The following IFT74 variants were observed in gnomAD, a reference collection of about 807,000 sequenced individuals.
The protein encoded by IFT74 is intraflagellar transport 74, also known as intraflagellar transport protein 74 homolog.
IFT74 carries 92 observed loss-of-function variants against 96.7 expected under a neutral mutation model. That is an observed-to-expected ratio of 0.95 (90% CI 0.80 to 1.13). IFT74 has a LOEUF of 1.13. Among genes scored for constraint, IFT74 ranks in the 50% most tolerant of loss-of-function variants. The pLI, the probability that IFT74 is intolerant of heterozygous loss-of-function variation, is 0.00. For missense variants in IFT74, 811 were observed against 698.2 expected (o/e 1.16, Z -1.82); for synonymous variants, 223 against 213.2 (o/e 1.05, Z -0.40).
chr9:26,982,110 C>T (rs910102424), intron 4 of IFT74, among the ~76,000 whole-genome samples: 22 of 151,996 alleles, frequency 1.4e-4, no homozygotes, highest in African/African-American at 2.2e-4. Flanking sequence ...TAATCTGAAA[C>T]GTGTTACTCA....
intron 13 of IFT74, among the ~76,000 whole-genome samples, chr9:27,031,365 G>T (rs1287250799): frequency 2.6e-5 from 4 of 151,992 alleles, no homozygotes; most frequent in Non-Finnish European, 5.9e-5. Flanking sequence ...TACTCAGGAG[G>T]CTGAGGCAGG....
rs1293591722 is a variant in IFT74, at chr9:26,962,175, A to T, written c.120+88A>T. ...GAGACTGGGGCTTCAGTGAACTCTGATCATGCCACTGCACCCCAGTTTTTG... is the reference window on the plus strand; with the variant it reads ...GAGACTGGGGCTTCAGTGAACTCTGTTCATGCCACTGCACCCCAGTTTTTG... On this transcript the variant is annotated intron_variant, in intron 2 of 19. Coordinates refer to ENST00000380062, the MANE Select transcript of IFT74 (RefSeq NM_025103.4). 2.4e-5 allele frequency: 31 copies of T among 1,300,714 alleles called. No individual in the cohort carries two copies. In the East Asian group the frequency reaches 6.5e-4, roughly 27 times the overall value. 80.6% of individuals were successfully genotyped at this position (1,300,714 alleles called of 1,614,324 possible). A position where few individuals can be genotyped will look rare whatever the true frequency, so the allele number is the denominator to read the frequency against.
intron 12 of IFT74, among the ~76,000 whole-genome samples, chr9:27,022,892 C>T (rs1480029303): frequency 6.6e-6 from 1 of 152,132 alleles, no homozygotes; most frequent in Non-Finnish European, 1.5e-5. Flanking sequence ...CCTACCTCGG[C>T]CTCCCAAAGT....
chr9:27,016,204 A>C (rs1357022970), intron 10 of IFT74, among the ~76,000 whole-genome samples: 3 of 152,122 alleles, frequency 2.0e-5, no homozygotes, highest in African/African-American at 7.2e-5. Context: ...GCTTCTTCCT[A>C]GCTTCTAGTG....
At position 26,978,148 on chromosome 9, in the gene IFT74, A is replaced by G; in HGVS notation, c.141A>G (p.Arg47=). 1 of 1,605,180 alleles carries G rather than the reference A, an allele frequency of 6.2e-7. No homozygotes were observed. The highest frequency in any genetic ancestry group is 8.5e-7 in the Non-Finnish European group (1 of 1,178,406). The change falls in exon 3 of 20, where the codon AGA becomes AGG. Residue 47 remains arginine, a synonymous_variant. Transcript: ENST00000380062. ...TTTAGATGCCACCTGGGACAGCAAG[A>G]CCAGGTTCTCGTGGTTGTCCCATAG... The part of the protein sequence containing the change: ...VATAMPPGTA[R]PGSRGCPIGT...
intron 13 of IFT74, among the ~76,000 whole-genome samples, chr9:27,031,253 C>T (rs1033203493): frequency 6.6e-6 from 1 of 151,978 alleles, no homozygotes; most frequent in African/African-American, 2.4e-5. Flanking sequence ...CCGAGGTGGG[C>T]GGATCACCAG....
intron 11 of IFT74, 38 bp from the exon 12 acceptor site, chr9:27,018,609 A>AT (rs1829462423): frequency 4.9e-6 from 6 of 1,225,344 alleles, no homozygotes; most frequent in Non-Finnish European, 5.8e-6. Flanking sequence ...ACAATGAGTT[A>AT]TTTTTTTAAA....
chr9:26,992,687 T>C (rs10967647), intron 8 of IFT74, among the ~76,000 whole-genome samples: 4,245 of 151,640 alleles, frequency 0.028, 204 homozygotes, highest in African/African-American at 0.097. Context: ...GGCGAGACTT[T>C]GTCTCAAAAA....
At chr9:27,012,722 T>TG (rs1361009665) in intron 10 of IFT74, among the ~76,000 whole-genome samples, 7 of 139,284 alleles carry the variant, frequency 5.0e-5, no homozygotes, top group African/African-American at 1.9e-4. Flanking sequence ...TTTTTTTTTT[T>TG]TTTTTTTTTT....
chr9:27,024,334 C>T (rs1481986328), intron 12 of IFT74, among the ~76,000 whole-genome samples: 9 of 152,198 alleles, frequency 5.9e-5, no homozygotes, highest in African/African-American at 1.4e-4. Context: ...CAGATCACTT[C>T]GCAGGACTCT....
chr9:26,951,868 A>C (rs952092619), upstream of IFT74, among the ~76,000 whole-genome samples: 7 of 152,230 alleles, frequency 4.6e-5, no homozygotes, highest in African/African-American at 7.2e-5. Flanking sequence ...ACTCCACTCC[A>C]GCCTGGGTGA....
intron 12 of IFT74, among the ~76,000 whole-genome samples, chr9:27,022,776 G>A (rs539850336): frequency 3.8e-4 from 58 of 151,930 alleles, no homozygotes; most frequent in Non-Finnish European, 7.9e-4. Context: ...CCGAGTAGCT[G>A]GGACTAAAGG....
chr9:26,999,619 T>A (rs757094631), intron 8 of IFT74: 1 of 1,594,648 alleles, frequency 6.3e-7, no homozygotes, highest in Non-Finnish European at 8.6e-7. Flanking sequence ...CTTACTCTTT[T>A]AGAAGACTGG....
At chr9:27,036,468 G>A (rs751074038) in intron 13 of IFT74, 3 of 1,613,578 alleles carry the variant, frequency 1.9e-6, no homozygotes, top group Non-Finnish European at 2.5e-6. Context: ...AACTATGGAT[G>A]GAAAATACTT....
intron 13 of IFT74, among the ~76,000 whole-genome samples, chr9:27,039,148 A>T (rs960652448): frequency 1.3e-5 from 2 of 151,942 alleles, no homozygotes; most frequent in Non-Finnish European, 1.5e-5. Context: ...TCATCGTCAA[A>T]TGAGGGTTAT....
At chr9:26,999,637 C>T (rs1828366817) in intron 8 of IFT74, 1 of 1,606,724 alleles carries the variant, frequency 6.2e-7, no homozygotes, top group Non-Finnish European at 8.5e-7. Context: ...TGGATTTTGT[C>T]TGATAATAAT....
rs1479437229 is a variant in IFT74, at chr9:27,065,324, T to A, written c.*2588T>A. On this transcript the variant is annotated 3_prime_UTR_variant, in exon 20 of 20. Coordinates refer to ENST00000380062, the MANE Select transcript of IFT74 (RefSeq NM_025103.4). ...AACAAGAATATTCTCTTTACTGGGA[T>A]AGAACTGGAGGCTAATAGCTGCATG... Among the ~76,000 whole-genome samples the A allele has an allele frequency of 6.6e-6, 1 of 152,148 alleles. No homozygotes were observed. Among genetic ancestry groups the A allele is most frequent in the Non-Finnish European group, 1.5e-5 (1 of 68,006 alleles).
intron 2 of IFT74, among the ~76,000 whole-genome samples, chr9:26,963,853 C>G (rs903358404): frequency 6.6e-6 from 1 of 152,006 alleles, no homozygotes; most frequent in African/African-American, 2.4e-5. Context: ...TAGATAGATT[C>G]TGGATATTAG....
chr9:26,963,558 A>G (rs1299510972), intron 2 of IFT74, among the ~76,000 whole-genome samples: 1 of 150,804 alleles, frequency 6.6e-6, no homozygotes, highest in Non-Finnish European at 1.5e-5. Flanking sequence ...TGGTTGAACT[A>G]GTTTACAGTC....
Sources: allele counts gnomAD v4.1 joint callset (sites outside exome capture counted in the v4.1 genomes callset), GRCh38; gene constraint gnomAD v4.1.1; transcripts MANE v1.5; gene names NCBI Gene and HGNC (gene_info 2026-07-23, HGNC 2026-07-21).